The following IGSF21 variants were observed in gnomAD, a reference collection of about 807,000 sequenced individuals.
IGSF21 encodes the protein immunoglobulin superfamily member 21.
IGSF21 carries 28 observed loss-of-function variants against 46.8 expected under a neutral mutation model. The observed-to-expected ratio is 0.60, with a 90% confidence interval of 0.44 to 0.82. IGSF21 has a LOEUF of 0.82. IGSF21 is among the 40% of genes least tolerant of loss of function. The pLI, the probability that IGSF21 is intolerant of heterozygous loss-of-function variation, is 0.00. For missense variants in IGSF21, 624 were observed against 665.5 expected, an observed-to-expected ratio of 0.94 and a Z score of 0.69; for synonymous variants, 284 against 273.6, an observed-to-expected ratio of 1.04 and a Z score of -0.38.
intron 1 of IGSF21, among the ~76,000 whole-genome samples, chr1:18,183,776 G>A (rs2086877917): frequency 2.6e-5 from 4 of 152,280 alleles, no homozygotes; most frequent in South Asian, 2.1e-4. Context: ...CCAGCTGAGG[G>A]AGCAGCAGCT....
rs112611225 is a variant in IGSF21 at position 18,301,222 on chromosome 1, C to T, written c.305+9235C>T. The stretch of plus-strand genomic sequence containing the variant: ...GCAGTGGGAAGCCTGGGTTAACGCC[C>T]AAGCTGTGGCACTCCATGGGCCATT... On this transcript the variant is annotated intron_variant, in intron 3 of 9. Coordinates refer to ENST00000251296, the MANE Select transcript of IGSF21 (RefSeq NM_032880.5). Among the ~76,000 whole-genome samples, 180 of 152,332 alleles carry T rather than the reference C, an allele frequency of 1.2e-3. 1 individual carries two copies. Among genetic ancestry groups the T allele is most frequent in the African/African-American group, 4.1e-3 (170 of 41,592 alleles).
intron 3 of IGSF21, among the ~76,000 whole-genome samples, chr1:18,308,611 A>C (rs1230699139): frequency 6.6e-6 from 1 of 152,194 alleles, no homozygotes; most frequent in African/African-American, 2.4e-5. Flanking sequence ...GTAATGAGGC[A>C]GTTATAGTAC....
intron 6 of IGSF21, among the ~76,000 whole-genome samples, chr1:18,375,377 C>A (rs776300819): frequency 5.3e-5 from 8 of 151,778 alleles, no homozygotes; most frequent in Non-Finnish European, 1.2e-4. Flanking sequence ...TTAACTGGCT[C>A]TGTGAGTGAC....
intron 1 of IGSF21, among the ~76,000 whole-genome samples, chr1:18,136,178 G>T (rs374013363): frequency 6.6e-6 from 1 of 152,126 alleles, no homozygotes; most frequent in Non-Finnish European, 1.5e-5. Flanking sequence ...AGATGAGTAG[G>T]TTGCAAAAAT....
At chr1:18,214,949 G>A (rs1422307180) in intron 1 of IGSF21, among the ~76,000 whole-genome samples, 1 of 152,092 alleles carries the variant, frequency 6.6e-6, no homozygotes, top group Non-Finnish European at 1.5e-5. Flanking sequence ...ACCATGTTGG[G>A]CAGGATGGTC....
intron 6 of IGSF21, among the ~76,000 whole-genome samples, chr1:18,374,267 T>C (rs1322946701): frequency 6.6e-6 from 1 of 152,242 alleles, no homozygotes; most frequent in African/African-American, 2.4e-5. Context: ...CTTCATTTCC[T>C]TATGGCGACA....
chr1:18,257,633 T>C (rs1042345992), intron 2 of IGSF21, among the ~76,000 whole-genome samples: 3 of 152,156 alleles, frequency 2.0e-5, no homozygotes, highest in Admixed American at 6.5e-5. Flanking sequence ...GTACCCACTG[T>C]GTGGCAAAGG....
intron 1 of IGSF21, among the ~76,000 whole-genome samples, chr1:18,218,460 T>C (rs1259813263): frequency 6.6e-6 from 1 of 152,242 alleles, no homozygotes; most frequent in Admixed American, 6.5e-5. Flanking sequence ...CTTCCAGCTC[T>C]GGTGAGATGA....
rs186674800 is a variant in IGSF21, at chr1:18,252,757, G to A, written c.183+24747G>A. ...TTCTTGTGCCTGAGAAACAATATACGGGGGCCGGGGGTACAAAGATCATGG... is the reference window on the plus strand; with the variant it reads ...TTCTTGTGCCTGAGAAACAATATACAGGGGCCGGGGGTACAAAGATCATGG... On this transcript the variant is annotated intron_variant, in intron 2 of 9. Coordinates refer to ENST00000251296, the MANE Select transcript of IGSF21 (RefSeq NM_032880.5). Among the ~76,000 whole-genome samples the A allele has an allele frequency of 7.1e-4, 108 of 152,242 alleles. 2 individuals are homozygous for A. The highest frequency in any genetic ancestry group is 2.4e-3 in the African/African-American group (101 of 41,550).
At chr1:18,225,099 A>T (rs796799828) in intron 1 of IGSF21, among the ~76,000 whole-genome samples, 11,602 of 89,324 alleles carry the variant, frequency 0.13, 705 homozygotes, top group Non-Finnish European at 0.17. Flanking sequence ...ACACACACAC[A>T]CACACACACA....
At chr1:18,267,078 G>A (rs1328224089) in intron 2 of IGSF21, among the ~76,000 whole-genome samples, 1 of 152,238 alleles carries the variant, frequency 6.6e-6, no homozygotes, top group Non-Finnish European at 1.5e-5. Flanking sequence ...GCTGTGGAGA[G>A]CTGTATGTAT....
intron 2 of IGSF21, among the ~76,000 whole-genome samples, chr1:18,234,041 C>G (rs1170019353): frequency 6.6e-6 from 1 of 152,198 alleles, no homozygotes; most frequent in Non-Finnish European, 1.5e-5. Context: ...TAGGTACACT[C>G]TCGGGTGACC....
chr1:18,360,806 C>G (rs1194593617), intron 4 of IGSF21, among the ~76,000 whole-genome samples: 1 of 152,160 alleles, frequency 6.6e-6, no homozygotes, highest in African/African-American at 2.4e-5. Context: ...CTAGTTTTGT[C>G]CTGCAAAAAT....
At chr1:18,293,647 A>G (rs188290970) in intron 3 of IGSF21, among the ~76,000 whole-genome samples, 23 of 152,342 alleles carry the variant, frequency 1.5e-4, no homozygotes, top group African/African-American at 5.1e-4. Context: ...AAGATGAAAA[A>G]GGAGATAAAA....
At chr1:18,187,974 C>T (rs2086920351) in intron 1 of IGSF21, among the ~76,000 whole-genome samples, 1 of 152,124 alleles carries the variant, frequency 6.6e-6, no homozygotes, top group Non-Finnish European at 1.5e-5. Flanking sequence ...AAATTATAGT[C>T]CTGCTTGAAC....
chr1:18,235,820 G>A (rs1438743572), intron 2 of IGSF21, among the ~76,000 whole-genome samples: 1 of 152,140 alleles, frequency 6.6e-6, no homozygotes, highest in Non-Finnish European at 1.5e-5. Context: ...TTGCAGAGGA[G>A]GTGAGAAACT....
chr1:18,190,362 C>T (rs548682444), intron 1 of IGSF21, among the ~76,000 whole-genome samples: 4 of 152,340 alleles, frequency 2.6e-5, no homozygotes, highest in African/African-American at 7.2e-5. Context: ...TCTGCCCCTC[C>T]GATTCCATCT....
At chr1:18,108,390 C>A (rs1249117021) in intron 1 of IGSF21, among the ~76,000 whole-genome samples, 192 bp downstream of exon 1, 1 of 150,060 alleles carries the variant, frequency 6.7e-6, no homozygotes, top group Non-Finnish European at 1.5e-5. Context: ...GGATTTGTGC[C>A]AGGGTGTGTG....
intron 6 of IGSF21, among the ~76,000 whole-genome samples, chr1:18,373,878 A>G (rs1423715835): frequency 6.6e-6 from 1 of 152,226 alleles, no homozygotes; most frequent in Non-Finnish European, 1.5e-5. Flanking sequence ...TAAAATGCCT[A>G]AAATGGAGTC....
Sources: gnomAD v4.1 joint callset for allele counts (sites outside exome capture counted in the v4.1 genomes callset) on GRCh38, gnomAD v4.1.1 for gene constraint, MANE v1.5 for transcripts, NCBI Gene and HGNC (gene_info 2026-07-23, HGNC 2026-07-21) for gene names.